NOL4: variants seen among roughly 807,000 people sequenced by gnomAD.
NOL4 encodes the protein nucleolar protein 4, also known as cancer/testis antigen 125.
Under a neutral mutation model 75.9 loss-of-function variants are expected in NOL4, and 17 were observed. The ratio of observed to expected loss-of-function variants is 0.22; its 90% confidence interval spans 0.15 to 0.34. NOL4 has a LOEUF of 0.34. Among genes scored for constraint, NOL4 ranks in the 10% least tolerant of loss-of-function variants. The probability of loss-of-function intolerance (pLI) is 1.00; values close to 1 mark genes in which losing one functional copy is unlikely to be tolerated. For missense variants in NOL4, 614 were observed against 793.5 expected, an observed-to-expected ratio of 0.77 and a Z score of 2.72; for synonymous variants, 292 against 289.9, an observed-to-expected ratio of 1.01 and a Z score of -0.07.
At chr18:33,861,664 T>G (rs2063141359) in intron 10 of NOL4, among the ~76,000 whole-genome samples, 1 of 152,126 alleles carries the variant, frequency 6.6e-6, no homozygotes, top group Non-Finnish European at 1.5e-5. Context: ...GAACTCCCAT[T>G]CACAATTGCT....
chr18:34,202,369 A>G (rs2035801512), intron 1 of NOL4, among the ~76,000 whole-genome samples: 2 of 151,978 alleles, frequency 1.3e-5, no homozygotes, highest in South Asian at 2.1e-4. Context: ...ACTGTAATCT[A>G]TCATTTTCAC....
At chr18:33,988,525 C>T (rs1225873602) in intron 6 of NOL4, among the ~76,000 whole-genome samples, 2 of 152,070 alleles carry the variant, frequency 1.3e-5, no homozygotes, top group Non-Finnish European at 2.9e-5. Flanking sequence ...TAGTTACTCT[C>T]CTCATGGGCA....
At chr18:33,959,590 A>T (rs2069937158) in intron 6 of NOL4, among the ~76,000 whole-genome samples, 1 of 152,136 alleles carries the variant, frequency 6.6e-6, no homozygotes, top group South Asian at 2.1e-4. Context: ...AATCAAATTT[A>T]AAAATGAGTA....
intron 9 of NOL4, among the ~76,000 whole-genome samples, chr18:33,932,232 ATT>A (rs903495677): frequency 3.3e-5 from 5 of 151,998 alleles, no homozygotes; most frequent in African/African-American, 1.2e-4. Flanking sequence ...ATATTTTTTA[ATT>A]GCAGCCATAT....
chr18:34,019,171 G>T (rs1845930397), intron 6 of NOL4, 147 bp downstream of exon 6: 4 of 654,186 alleles, frequency 6.1e-6, no homozygotes, highest in African/African-American at 1.8e-5. Flanking sequence ...CACACAATAT[G>T]CTTGGTGATA....
chr18:34,136,845 G>A lies in NOL4; in HGVS notation c.265-6825C>T, dbSNP rs567296989. ...AATTTATATGTAAATTCAAGGAAAC[G>A]AGATTAGCCAAAATAGCCTTTAAAA... On this transcript the variant is annotated intron_variant, in intron 1 of 10. Coordinates refer to ENST00000261592, the MANE Select transcript of NOL4 (RefSeq NM_003787.5). Among the ~76,000 whole-genome samples, 4 of 152,002 alleles carry A rather than the reference G, an allele frequency of 2.6e-5. No individual in the cohort carries two copies. In the East Asian group the frequency reaches 5.8e-4, roughly 22 times the overall value.
At chr18:34,142,021 G>A (rs1046932709) in intron 1 of NOL4, among the ~76,000 whole-genome samples, 5 of 152,080 alleles carry the variant, frequency 3.3e-5, no homozygotes, top group African/African-American at 1.2e-4. Flanking sequence ...GTGGGCAAAG[G>A]ACATGAACAG....
intron 9 of NOL4, among the ~76,000 whole-genome samples, chr18:33,939,354 A>G (rs1479351031): frequency 4.6e-5 from 7 of 152,122 alleles, no homozygotes; most frequent in Non-Finnish European, 8.8e-5. Flanking sequence ...ATGAATCTAT[A>G]AATTACTTTG....
At chr18:33,911,780 T>C (rs2066422078) in intron 9 of NOL4, among the ~76,000 whole-genome samples, 1 of 152,160 alleles carries the variant, frequency 6.6e-6, no homozygotes, top group African/African-American at 2.4e-5. Context: ...ACTGTCTCCA[T>C]ACTTGTGGCT....
At chr18:33,937,496 TTGTGTGCCTACAGAAAATTG>T (rs2068136813) in intron 9 of NOL4, among the ~76,000 whole-genome samples, 1 of 152,106 alleles carries the variant, frequency 6.6e-6, no homozygotes, top group Non-Finnish European at 1.5e-5. Context: ...TTTTGAACTT[TTGTGTGCCTACAGAAAATTG>T]GGGGCATAAT....
intron 10 of NOL4, among the ~76,000 whole-genome samples, chr18:33,862,714 C>A (rs1165161184): frequency 6.6e-6 from 1 of 152,168 alleles, no homozygotes; most frequent in Non-Finnish European, 1.5e-5. Flanking sequence ...ATCTAAACCA[C>A]AATGAGATAT....
intron 5 of NOL4, among the ~76,000 whole-genome samples, chr18:34,045,088 A>AT (rs1181913746): frequency 6.6e-6 from 1 of 151,540 alleles, no homozygotes; most frequent in Admixed American, 6.6e-5. Flanking sequence ...TTTTATATTA[A>AT]TTTTTTTTGA....
At chr18:33,905,604 C>T (rs778550892) in intron 9 of NOL4, among the ~76,000 whole-genome samples, 21 of 152,160 alleles carry the variant, frequency 1.4e-4, no homozygotes, top group Admixed American at 3.9e-4. Flanking sequence ...TTCCACTAAC[C>T]TATCCCCCAC....
chr18:33,858,411 A>G (rs1302969796), intron 10 of NOL4, among the ~76,000 whole-genome samples: 1 of 151,826 alleles, frequency 6.6e-6, no homozygotes, highest in East Asian at 1.9e-4. Context: ...CAACTATAAA[A>G]CCTCAGGATT....
At chr18:34,052,853 A>G (rs1365405594) in intron 5 of NOL4, among the ~76,000 whole-genome samples, 1 of 152,044 alleles carries the variant, frequency 6.6e-6, no homozygotes, top group Non-Finnish European at 1.5e-5. Flanking sequence ...GTCATAATGG[A>G]ATAGATTGGA....
intron 5 of NOL4, among the ~76,000 whole-genome samples, chr18:34,090,664 G>C (rs867707377): frequency 2.6e-5 from 4 of 152,024 alleles, no homozygotes; most frequent in South Asian, 2.1e-4. Context: ...AAAAAAAAAG[G>C]GGGGGAGGCA....
chr18:34,078,634 T>G (rs570553769), intron 5 of NOL4, among the ~76,000 whole-genome samples: 22 of 152,328 alleles, frequency 1.4e-4, no homozygotes, highest in Middle Eastern at 3.4e-3. Flanking sequence ...GTATCTATAA[T>G]GGCAAGCCAA....
At chr18:34,034,093 AC>A (rs1162945051) in intron 5 of NOL4, among the ~76,000 whole-genome samples, 6 of 152,210 alleles carry the variant, frequency 3.9e-5, no homozygotes, top group African/African-American at 1.4e-4. Flanking sequence ...TCATGAAAAC[AC>A]GTTGTAACTA....
At chr18:34,047,048 G>T (rs888635691) in intron 5 of NOL4, among the ~76,000 whole-genome samples, 2 of 152,016 alleles carry the variant, frequency 1.3e-5, no homozygotes, top group Non-Finnish European at 2.9e-5. Flanking sequence ...ATGCTATTAA[G>T]CAAAGTATAA....
Sources: allele counts gnomAD v4.1 joint callset (sites outside exome capture counted in the v4.1 genomes callset), GRCh38; gene constraint gnomAD v4.1.1; transcripts MANE v1.5; gene names NCBI Gene and HGNC (gene_info 2026-07-23, HGNC 2026-07-21).